Variants in SHROOM3 observed in about 807,000 individuals in gnomAD.
SHROOM3 encodes shroom family member 3, also known as protein Shroom3.
Under a neutral mutation model 138.6 loss-of-function variants are expected in SHROOM3, and 47 were observed. That is an observed-to-expected ratio of 0.34 (90% confidence interval 0.27 to 0.43). The LOEUF (loss-of-function observed/expected upper bound fraction) is 0.43, where lower values mean the gene tolerates loss of function less well. Ranked by LOEUF, SHROOM3 falls within the 20% of genes least tolerant of loss-of-function variation. The probability of loss-of-function intolerance (pLI) is 1.00; values close to 1 mark genes in which losing one functional copy is unlikely to be tolerated. For missense variants in SHROOM3, 2,491 were observed against 2,596.5 expected (o/e 0.96, Z 0.88); for synonymous variants, 1,062 against 1,063.3 (o/e 1.00, Z 0.02).
chr4:76,781,726 A>G lies in SHROOM3; in HGVS notation c.*2549A>G, dbSNP rs1172148527. ...TTTAAATGCGTTTAGCTAGAAATCT[A>G]TGTATTTATCCCTTTCCTATTTTGC... On this transcript the variant is annotated 3_prime_UTR_variant, in exon 11 of 11. Coordinates refer to ENST00000296043, the MANE Select transcript of SHROOM3 (RefSeq NM_020859.4). 1 of 152,230 alleles carries G rather than the reference A, an allele frequency of 6.6e-6. No individual in the cohort carries two copies. Among genetic ancestry groups the G allele is most frequent in the Non-Finnish European group, 1.5e-5 (1 of 68,040 alleles). The allele number at this position is 152,230 out of a possible 1,614,324, so 9.4% of individuals were successfully genotyped here. A position where few individuals can be genotyped will look rare whatever the true frequency, so the allele number is the denominator to read the frequency against.
chr4:76,754,858 A>G lies in SHROOM3; in HGVS notation c.4375A>G (p.Lys1459Glu). The G allele has an allele frequency of 6.2e-7, 1 of 1,614,186 alleles. No individual in the cohort carries two copies. The highest frequency in any genetic ancestry group is 8.5e-7 in the Non-Finnish European group (1 of 1,180,014). Residue 1459 changes from lysine to glutamate, a missense_variant, in exon 7 of 11, where the codon AAA (lysine) becomes GAA (glutamate). Around this residue, in one of 4 missense-constraint regions of SHROOM3, gnomAD observed 1,733 missense variants for 1,661.6 expected, o/e 1.04. Coordinates refer to ENST00000296043, the MANE Select transcript of SHROOM3 (RefSeq NM_020859.4). ...TTTTGCAAACCTGAAGCACTATCAAAAACAGCAGAGTCTTCCAAGTTTATG... is the reference window on the plus strand; with the variant it reads ...TTTTGCAAACCTGAAGCACTATCAAGAACAGCAGAGTCTTCCAAGTTTATG... ...PDFANLKHYQ[K>E]QQSLPSLCST...
chr4:76,628,227 T>G (rs775789502), intron 2 of SHROOM3, among the ~76,000 whole-genome samples: 3 of 152,244 alleles, frequency 2.0e-5, no homozygotes, highest in Non-Finnish European at 4.4e-5. Context: ...TCTTAGATCT[T>G]ACGTTAGAAT....
chr4:76,700,351 C>T (rs1160627588), intron 2 of SHROOM3, among the ~76,000 whole-genome samples: 2 of 152,048 alleles, frequency 1.3e-5, no homozygotes, highest in Non-Finnish European at 2.9e-5. Flanking sequence ...ACAGTTTGGC[C>T]CCCAGCCTGG....
chr4:76,506,624 A>G (rs922292190), intron 1 of SHROOM3, among the ~76,000 whole-genome samples: 14 of 152,182 alleles, frequency 9.2e-5, no homozygotes, highest in Admixed American at 9.2e-4. Flanking sequence ...CTTAAAGGAA[A>G]GGGAAGGGTA....
chr4:76,440,309 C>T (rs1362389056), intron 1 of SHROOM3, among the ~76,000 whole-genome samples: 2 of 152,168 alleles, frequency 1.3e-5, no homozygotes, highest in East Asian at 1.9e-4. Flanking sequence ...CTGAAGCTCT[C>T]ATAGCTACTA....
At chr4:76,700,188 C>T (rs1308130703) in intron 2 of SHROOM3, among the ~76,000 whole-genome samples, 1 of 152,178 alleles carries the variant, frequency 6.6e-6, no homozygotes, top group East Asian at 1.9e-4. Context: ...TTGTCATCAG[C>T]CAGATCTGGA....
intron 1 of SHROOM3, among the ~76,000 whole-genome samples, chr4:76,490,642 G>T (rs776551172): frequency 1.3e-5 from 2 of 152,132 alleles, no homozygotes; most frequent in Non-Finnish European, 2.9e-5. Flanking sequence ...ACAGCCTTAG[G>T]TTCCCTGCCT....
chr4:76,696,705 C>G lies in SHROOM3; in HGVS notation c.324-13451C>G, dbSNP rs540766170. On this transcript the variant is annotated intron_variant, in intron 2 of 10. Transcript: ENST00000296043. ...GCTTGGTCAAATAAAAATGATGACT[C>G]ACTTCTCTACCTGCTTTCTGCTCAG... 4.6e-5 allele frequency among the ~76,000 whole-genome samples: 7 copies of G among 152,278 alleles called. No individual in the cohort carries two copies. In the South Asian group the frequency reaches 1.5e-3, roughly 32 times the overall value.
intron 1 of SHROOM3, among the ~76,000 whole-genome samples, chr4:76,480,617 C>T (rs1023075176): frequency 6.6e-6 from 1 of 152,190 alleles, no homozygotes; most frequent in African/African-American, 2.4e-5. Context: ...TTGAACTCAG[C>T]TCTGGAGCAA....
At chr4:76,478,738 G>A (rs1013950314) in intron 1 of SHROOM3, among the ~76,000 whole-genome samples, 5 of 152,182 alleles carry the variant, frequency 3.3e-5, no homozygotes, top group African/African-American at 1.2e-4. Context: ...GCTCCGGCTG[G>A]CATCTGACAG....
At chr4:76,720,151 GTTTTTTTTTTTTTTTTTT>G (rs59839066) in intron 3 of SHROOM3, among the ~76,000 whole-genome samples, 1 of 83,000 alleles carries the variant, frequency 1.2e-5, no homozygotes, top group African/African-American at 4.9e-5. Flanking sequence ...TGTTTTTTAG[GTTTTTTTTTTTTTTTTTT>G]TTTTTTTTTT....
intron 1 of SHROOM3, among the ~76,000 whole-genome samples, chr4:76,437,879 G>A (rs1317257544): frequency 6.6e-6 from 1 of 152,172 alleles, no homozygotes; most frequent in East Asian, 1.9e-4. Flanking sequence ...AAAATATTCT[G>A]TATCTATACA....
intron 2 of SHROOM3, among the ~76,000 whole-genome samples, chr4:76,665,007 TA>T (rs1418321659): frequency 6.6e-6 from 1 of 152,020 alleles, no homozygotes; most frequent in Non-Finnish European, 1.5e-5. Context: ...ATTAACAAAA[TA>T]AAGGCTTCCA....
chr4:76,740,975 T>C lies in SHROOM3; in HGVS notation c.2802T>C (p.Arg934=). ...ACAGCATCAAGGACGCACAGTCCCG[T>C]GTCTTGGGGGCCACCTCCTTTCGAC... The part of the protein sequence containing the change: ...YRNSIKDAQS[R]VLGATSFRRR... Residue 934 remains arginine, a synonymous_variant, in exon 5 of 11, where the codon CGT becomes CGC. Coordinates refer to ENST00000296043, the MANE Select transcript of SHROOM3 (RefSeq NM_020859.4). This position sits in a 1 kb window ranked among gnomAD's most constrained non-coding sequence, Gnocchi z 4.0. 1 of 1,495,460 alleles carries C rather than the reference T, an allele frequency of 6.7e-7. No homozygotes were observed. The highest frequency in any genetic ancestry group is 8.9e-7 in the Non-Finnish European group (1 of 1,126,660). The allele number at this position is 1,495,460 out of a possible 1,614,324, so 92.6% of individuals were successfully genotyped here.
chr4:76,543,013 C>T (rs1733138835), intron 1 of SHROOM3, among the ~76,000 whole-genome samples: 1 of 152,164 alleles, frequency 6.6e-6, no homozygotes, highest in South Asian at 2.1e-4. Flanking sequence ...TGTCCCCATC[C>T]AGCCAGGGAA....
intron 2 of SHROOM3, among the ~76,000 whole-genome samples, chr4:76,676,107 T>A (rs1719018460): frequency 6.6e-6 from 1 of 152,124 alleles, no homozygotes; most frequent in Admixed American, 6.5e-5. Flanking sequence ...CAGGAGTAGA[T>A]CTCGTTGGGA....
chr4:76,501,567 C>A (rs1732096708), intron 1 of SHROOM3, among the ~76,000 whole-genome samples: 2 of 152,068 alleles, frequency 1.3e-5, no homozygotes, highest in African/African-American at 4.8e-5. Flanking sequence ...TGGTGGACTC[C>A]TGGATGGGAG....
intron 2 of SHROOM3, among the ~76,000 whole-genome samples, chr4:76,646,447 G>T (rs1735824461): frequency 6.6e-6 from 1 of 151,646 alleles, no homozygotes; most frequent in Non-Finnish European, 1.5e-5. Context: ...CCAGGTTAAG[G>T]TCTTTAATTC....
chr4:76,739,553 A>G lies in SHROOM3; in HGVS notation c.1380A>G (p.Gln460=). ...ATACCCAGAAGGCCCAACCTGGCCAACCTCTGCTGCCGACCAGCATCTACC... is the reference window on the plus strand; with the variant it reads ...ATACCCAGAAGGCCCAACCTGGCCAGCCTCTGCTGCCGACCAGCATCTACC... ...HNYTQKAQPG[Q]PLLPTSIYPV... is the part of the protein sequence containing the mutation. Residue 460 remains glutamine (Q), a synonymous_variant, in exon 5 of 11, where the codon CAA becomes CAG. Transcript: ENST00000296043. 1 of 1,614,128 alleles carries G rather than the reference A, an allele frequency of 6.2e-7. No homozygotes were observed. The highest frequency in any genetic ancestry group is 8.5e-7 in the Non-Finnish European group (1 of 1,180,028).
Sources: allele counts gnomAD v4.1 joint callset (sites outside exome capture counted in the v4.1 genomes callset), GRCh38; gene constraint gnomAD v4.1.1; regional missense constraint gnomAD v4.1.1; non-coding constraint Gnocchi (gnomAD v3.1); transcripts MANE v1.5; gene names NCBI Gene and HGNC (gene_info 2026-07-23, HGNC 2026-07-21).